The following GPHN variants were observed in gnomAD, a reference collection of about 807,000 sequenced individuals.
GPHN encodes gephyrin.
A neutral mutation model predicts 95.5 loss-of-function variants in GPHN; 17 were observed. That is an observed-to-expected ratio of 0.18 (90% confidence interval 0.12 to 0.27). GPHN has a LOEUF of 0.27. GPHN is among the 10% of genes least tolerant of loss of function. The probability of loss-of-function intolerance (pLI) is 1.00; values close to 1 mark genes in which losing one functional copy is unlikely to be tolerated. For missense variants in GPHN, 660 were observed against 978.1 expected (o/e 0.67, Z 4.34); for synonymous variants, 320 against 322.5 (o/e 0.99, Z 0.08).
At chr14:67,144,298 T>C (rs867774277) in intron 18 of GPHN, among the ~76,000 whole-genome samples, 55 of 118,522 alleles carry the variant, frequency 4.6e-4, no homozygotes, top group African/African-American at 1.4e-3. Flanking sequence ...CACACACACA[T>C]ACACAAATAT....
intron 11 of GPHN, among the ~76,000 whole-genome samples, chr14:67,072,393 A>AT (rs2076345312): frequency 6.6e-6 from 1 of 152,076 alleles, no homozygotes; most frequent in Non-Finnish European, 1.5e-5. Flanking sequence ...CAGCAGGGTT[A>AT]TTTTTTTAAG....
At chr14:67,336,592 A>T in the GPHN span, 1 of 389,006 alleles carries the variant, frequency 2.6e-6, no homozygotes, top group Non-Finnish European at 5.2e-6. Context: ...TTTGCCTCCT[A>T]GAAAGGCAGT....
chr14:66,905,101 G>C (rs531196310), intron 5 of GPHN, among the ~76,000 whole-genome samples: 11 of 152,152 alleles, frequency 7.2e-5, no homozygotes, highest in African/African-American at 2.6e-4. Context: ...TCTTACCGGT[G>C]ATCTTCATTG....
intron 1 of GPHN, among the ~76,000 whole-genome samples, chr14:66,548,343 G>A (rs536190198): frequency 6.6e-6 from 1 of 151,950 alleles, no homozygotes; most frequent in Non-Finnish European, 1.5e-5. Flanking sequence ...ACCATGCCTG[G>A]CTAATTTTTG....
intron 1 of GPHN, among the ~76,000 whole-genome samples, chr14:66,511,894 G>T (rs1191479669): frequency 8.6e-5 from 13 of 151,920 alleles, no homozygotes; most frequent in Non-Finnish European, 1.8e-4. Context: ...TAGGCTGTAT[G>T]TGGAAACATT....
the GPHN span, chr14:67,645,608 C>A: frequency 6.3e-7 from 1 of 1,597,744 alleles, no homozygotes; most frequent in Non-Finnish European, 8.5e-7. Flanking sequence ...GTTTGCCAAG[C>A]AGAGGGCCTT....
At chr14:67,140,863 G>T (rs979652408) in intron 17 of GPHN, among the ~76,000 whole-genome samples, 3 of 152,212 alleles carry the variant, frequency 2.0e-5, no homozygotes, top group South Asian at 2.1e-4. Context: ...GAAATGAAAA[G>T]GATAGATGAG....
intron 1 of GPHN, among the ~76,000 whole-genome samples, chr14:66,678,132 T>C (rs933678134): frequency 6.6e-6 from 1 of 152,182 alleles, no homozygotes; most frequent in Non-Finnish European, 1.5e-5. Flanking sequence ...GATGTCTGTC[T>C]CTCAAGATTT....
intron 1 of GPHN, among the ~76,000 whole-genome samples, chr14:66,546,918 C>G (rs1280701929): frequency 6.6e-6 from 1 of 152,112 alleles, no homozygotes; most frequent in African/African-American, 2.4e-5. Flanking sequence ...CTTGTATGGG[C>G]CTCAAACAAT....
the GPHN span, among the ~76,000 whole-genome samples, chr14:67,726,450 G>A: frequency 6.6e-6 from 1 of 152,214 alleles, no homozygotes; most frequent in Non-Finnish European, 1.5e-5. Context: ...CCAGACCTGG[G>A]GTTATGCAGG....
chr14:66,973,859 G>A (rs1405357524), intron 9 of GPHN, among the ~76,000 whole-genome samples: 1 of 152,166 alleles, frequency 6.6e-6, no homozygotes. Flanking sequence ...AATCAGTTTA[G>A]AACATTTAAA....
the GPHN span, among the ~76,000 whole-genome samples, chr14:67,238,881 G>A: frequency 6.6e-6 from 1 of 151,870 alleles, no homozygotes; most frequent in Non-Finnish European, 1.5e-5. Flanking sequence ...GGGGTCAAGG[G>A]ATCCATACAC....
chr14:67,597,156 C>G, the GPHN span, among the ~76,000 whole-genome samples: 1 of 152,326 alleles, frequency 6.6e-6, no homozygotes, highest in Admixed American at 6.5e-5. Flanking sequence ...CCCACAGAAC[C>G]TGCTATATTT....
the GPHN span, among the ~76,000 whole-genome samples, chr14:67,634,223 C>T: frequency 6.6e-6 from 1 of 152,114 alleles, no homozygotes; most frequent in African/African-American, 2.4e-5. Flanking sequence ...TTAGAAGCCA[C>T]CTGGTCTCCC....
At chr14:67,567,972 C>T in the GPHN span, among the ~76,000 whole-genome samples, 1 of 152,234 alleles carries the variant, frequency 6.6e-6, no homozygotes. Context: ...GCTCCTTTGG[C>T]CTGTGGCCTA....
chr14:67,144,251 ATATATATATATATAT>A (rs1319196187), intron 18 of GPHN, among the ~76,000 whole-genome samples: 8 of 41,262 alleles, frequency 1.9e-4, no homozygotes, highest in Non-Finnish European at 3.3e-4. Context: ...AAAAAAAAAA[ATATATATATATATAT>A]ATATATATAT....
chr14:67,156,070 G>A (rs1219033651), intron 18 of GPHN, among the ~76,000 whole-genome samples: 2 of 152,074 alleles, frequency 1.3e-5, no homozygotes, highest in Non-Finnish European at 2.9e-5. Context: ...AAAACTGTGC[G>A]GACCTAGACT....
At chr14:67,570,476 A>G in the GPHN span, 2 of 180,154 alleles carry the variant, frequency 1.1e-5, no homozygotes, top group Admixed American at 6.4e-5. Context: ...AATTTTTTAT[A>G]GAAGAATAAA....
chr14:67,157,519 T>G (rs938792612), intron 18 of GPHN, among the ~76,000 whole-genome samples: 3 of 152,120 alleles, frequency 2.0e-5, no homozygotes, highest in African/African-American at 7.2e-5. Flanking sequence ...TTTCAAAGAC[T>G]GGAGGCAATA....
Sources: allele counts gnomAD v4.1 joint callset (sites outside exome capture counted in the v4.1 genomes callset), GRCh38; gene constraint gnomAD v4.1.1; transcripts MANE v1.5; gene names NCBI Gene and HGNC (gene_info 2026-07-23, HGNC 2026-07-21).